NYAP2: variants seen among roughly 807,000 people sequenced by gnomAD.
NYAP2 encodes the protein neuronal tyrosine-phosphorylated phosphoinositide-3-kinase adaptor 2.
Under a neutral mutation model 50.4 loss-of-function variants are expected in NYAP2, and 23 were observed. That is an observed-to-expected ratio of 0.46 (90% CI 0.33 to 0.65). NYAP2 has a LOEUF of 0.65. Ranked by LOEUF, NYAP2 falls within the 30% of genes least tolerant of loss-of-function variation. The pLI is 0.02. For missense variants in NYAP2, 885 were observed against 861.0 expected, an observed-to-expected ratio of 1.03 and a Z score of -0.35; for synonymous variants, 394 against 365.2, an observed-to-expected ratio of 1.08 and a Z score of -0.90.
Position 225,582,052 on chromosome 2 carries a change from T to A in NYAP2, c.635T>A (p.Ile212Asn). The change falls in exon 5 of 7, where the codon ATC becomes AAC. Residue 212 changes from isoleucine (I) to asparagine (N), a missense_variant. Ile to Asn is a moderately radical substitution (Grantham distance 149). Coordinates refer to ENST00000636099, the Ensembl canonical transcript of NYAP2. This position sits in a 1 kb window ranked among gnomAD's most constrained non-coding sequence, Gnocchi z 7.0. ...AGCACATCTTTCGATGAAACGTACA[T>A]CAAAAAGCATGGGCCCCGGAGGACG... 1.9e-6 allele frequency: 3 copies of A among 1,613,918 alleles called. No homozygotes were observed. The highest frequency in any genetic ancestry group is 2.5e-6 in the Non-Finnish European group (3 of 1,179,864).
chr2:225,489,063 C>T (rs996665176), intron 3 of NYAP2, among the ~76,000 whole-genome samples: 2 of 152,192 alleles, frequency 1.3e-5, no homozygotes, highest in Non-Finnish European at 2.9e-5. Context: ...CAATGGTCAA[C>T]TGAAATAATA....
At chr2:225,421,048 A>G (rs1695207631) in intron 3 of NYAP2, among the ~76,000 whole-genome samples, 1 of 151,908 alleles carries the variant, frequency 6.6e-6, no homozygotes, top group Non-Finnish European at 1.5e-5. Context: ...TCAGCCTCCC[A>G]GGTAGCTAGG....
intron 4 of NYAP2, among the ~76,000 whole-genome samples, chr2:225,575,247 A>G (rs1692151333): frequency 6.6e-6 from 1 of 152,174 alleles, no homozygotes. Flanking sequence ...TTTAGAGCTT[A>G]CAGCTGGTCT....
intron 4 of NYAP2, among the ~76,000 whole-genome samples, chr2:225,538,775 TTC>T (rs1218980571): frequency 1.1e-5 from 1 of 88,402 alleles, no homozygotes; most frequent in African/African-American, 4.9e-5. Context: ...TTCTTTTCTT[TTC>T]TTTTCTTTCT....
At chr2:225,420,003 A>G (rs1695190305) in intron 3 of NYAP2, among the ~76,000 whole-genome samples, 1 of 152,200 alleles carries the variant, frequency 6.6e-6, no homozygotes, top group African/African-American at 2.4e-5. Context: ...ATTTTGGCAT[A>G]TGAATAGATT....
intron 3 of NYAP2, among the ~76,000 whole-genome samples, chr2:225,480,149 A>T (rs1234473263): frequency 6.6e-6 from 1 of 152,102 alleles, no homozygotes; most frequent in Non-Finnish European, 1.5e-5. Context: ...ATTTTTAGAA[A>T]ATAATTTTTA....
chr2:225,640,281 T>A (rs945132130), intron 6 of NYAP2, among the ~76,000 whole-genome samples: 2 of 152,200 alleles, frequency 1.3e-5, no homozygotes, highest in African/African-American at 4.8e-5. Context: ...TTTCACTGAT[T>A]GTTGGTATCT....
intron 3 of NYAP2, among the ~76,000 whole-genome samples, chr2:225,429,683 G>C (rs372608456): frequency 1.3e-5 from 2 of 152,200 alleles, no homozygotes; most frequent in Non-Finnish European, 2.9e-5. Flanking sequence ...AAAAATGATA[G>C]ATATAGCACA....
intron 4 of NYAP2, among the ~76,000 whole-genome samples, chr2:225,537,276 A>C (rs1399757468): frequency 6.6e-6 from 1 of 151,434 alleles, no homozygotes; most frequent in Non-Finnish European, 1.5e-5. Flanking sequence ...ATTATTTCCA[A>C]CTCCATCTAT....
At chr2:225,660,614 AC>A in the NYAP2 span, among the ~76,000 whole-genome samples, 4 of 152,144 alleles carry the variant, frequency 2.6e-5, no homozygotes, top group East Asian at 7.7e-4. Flanking sequence ...GCCTGTGGAA[AC>A]ACAGCATAAC....
At chr2:225,468,419 C>T (rs1444309832) in intron 3 of NYAP2, among the ~76,000 whole-genome samples, 1 of 152,128 alleles carries the variant, frequency 6.6e-6, no homozygotes, top group African/African-American at 2.4e-5. Context: ...CTTTTAATGG[C>T]AGCCCTAGGA....
the NYAP2 span, among the ~76,000 whole-genome samples, chr2:225,667,807 T>C: frequency 6.6e-6 from 1 of 152,154 alleles, no homozygotes; most frequent in South Asian, 2.1e-4. Context: ...GATACCTTAA[T>C]AGAGATGCTT....
chr2:225,456,299 G>T (rs1350762461), intron 3 of NYAP2, among the ~76,000 whole-genome samples: 2 of 152,164 alleles, frequency 1.3e-5, no homozygotes, highest in Non-Finnish European at 2.9e-5. Flanking sequence ...TCCTCATATT[G>T]TCTTGGATTG....
chr2:225,551,512 C>T (rs1244873561), intron 4 of NYAP2, among the ~76,000 whole-genome samples: 1 of 152,106 alleles, frequency 6.6e-6, no homozygotes, highest in African/African-American at 2.4e-5. Flanking sequence ...TGAGACAAAC[C>T]CCAAGGCAGT....
At chr2:225,545,304 T>A (rs144278522) in intron 4 of NYAP2, among the ~76,000 whole-genome samples, 232 of 152,298 alleles carry the variant, frequency 1.5e-3, no homozygotes, top group African/African-American at 5.4e-3. Context: ...ACGTCCTCTT[T>A]AAGGCCAATC....
At chr2:225,439,605 T>C (rs1162861841) in intron 3 of NYAP2, among the ~76,000 whole-genome samples, 1 of 152,058 alleles carries the variant, frequency 6.6e-6, no homozygotes, top group African/African-American at 2.4e-5. Flanking sequence ...TCATGAGACA[T>C]TGAAGATGTC....
intron 3 of NYAP2, among the ~76,000 whole-genome samples, chr2:225,412,555 C>G (rs1213229701): frequency 6.6e-6 from 1 of 151,930 alleles, no homozygotes; most frequent in East Asian, 1.9e-4. Flanking sequence ...GTCCCCAAAC[C>G]TGGTTCTCTA....
chr2:225,634,355 C>T (rs960794409), intron 6 of NYAP2, among the ~76,000 whole-genome samples: 14 of 152,210 alleles, frequency 9.2e-5, no homozygotes, highest in African/African-American at 1.7e-4. Flanking sequence ...AGACCCCTCA[C>T]GTGACAACCA....
the NYAP2 span, chr2:225,703,014 CTTAAG>C: frequency 5.9e-5 from 9 of 151,440 alleles, no homozygotes; most frequent in Admixed American, 2.0e-4. Flanking sequence ...ATTGGAACTC[CTTAAG>C]TTAACATTTA....
Sources: allele counts gnomAD v4.1 joint callset (sites outside exome capture counted in the v4.1 genomes callset), GRCh38; gene constraint gnomAD v4.1.1; non-coding constraint Gnocchi (gnomAD v3.1); transcripts MANE v1.5; gene names NCBI Gene and HGNC (gene_info 2026-07-23, HGNC 2026-07-21).